Variants in ARIH1 observed in about 807,000 individuals in gnomAD.
ARIH1 encodes E3 ubiquitin-protein ligase ARIH1.
Under a neutral mutation model 85.0 loss-of-function variants are expected in ARIH1, and 8 were observed. That is an observed-to-expected ratio of 0.09 (90% CI 0.06 to 0.17). The LOEUF is 0.17. Among genes scored for constraint, ARIH1 ranks in the 10% least tolerant of loss-of-function variants. The pLI, the probability that ARIH1 is intolerant of heterozygous loss-of-function variation, is 1.00. For missense variants in ARIH1, 311 were observed against 718.1 expected, an observed-to-expected ratio of 0.43 and a Z score of 6.48; for synonymous variants, 238 against 253.6, an observed-to-expected ratio of 0.94 and a Z score of 0.59.
At position 72,600,671 on chromosome 15, in the gene ARIH1, T is replaced by C. The variant is rs2064379459; in HGVS notation, c.*17379T>C. ...GTGTTGGGATTACAGGTGTGAACCA[T>C]AGTATCCAACCTATTATGTTTTTTT... On this transcript the variant is annotated 3_prime_UTR_variant, in exon 14 of 14. Coordinates refer to ENST00000379887, the MANE Select transcript of ARIH1 (RefSeq NM_005744.5). The C allele has an allele frequency of 1.3e-5, 2 of 152,218 alleles. No individual in the cohort carries two copies. Among genetic ancestry groups the C allele is most frequent in the African/African-American group, 2.4e-5 (1 of 41,460 alleles). The allele number at this position is 152,218 out of a possible 1,614,324, so 9.4% of individuals were successfully genotyped here.
At chr15:72,540,479 G>A (rs986676165) in intron 2 of ARIH1, among the ~76,000 whole-genome samples, 10 of 151,818 alleles carry the variant, frequency 6.6e-5, no homozygotes, top group Non-Finnish European at 1.2e-4. Flanking sequence ...TGGAGTCAGG[G>A]GTGAATGGAC....
chr15:72,506,842 T>C (rs2063927904), intron 1 of ARIH1, among the ~76,000 whole-genome samples: 1 of 151,966 alleles, frequency 6.6e-6, no homozygotes. Flanking sequence ...AGTGGTTTTT[T>C]TTTGTTTTTT....
chr15:72,545,848 A>G (rs888248047), intron 3 of ARIH1, among the ~76,000 whole-genome samples: 2 of 152,218 alleles, frequency 1.3e-5, no homozygotes, highest in Admixed American at 6.5e-5. Flanking sequence ...AATAGAATTT[A>G]CTGAACTGAG....
At chr15:72,546,484 G>A (rs568537160) in intron 3 of ARIH1, among the ~76,000 whole-genome samples, 1 of 152,056 alleles carries the variant, frequency 6.6e-6, no homozygotes, top group East Asian at 1.9e-4. Flanking sequence ...ATGTCACTGG[G>A]TTTTTCTTTT....
Position 72,514,212 on chromosome 15 carries a change from C to T in ARIH1, c.376-3855C>T, listed in dbSNP as rs2063964367. 3.3e-5 allele frequency among the ~76,000 whole-genome samples: 5 copies of T among 151,996 alleles called. No homozygotes were observed. In the South Asian group the frequency reaches 1.0e-3, roughly 32 times the overall value. On this transcript the variant is annotated intron_variant, in intron 1 of 13. Coordinates refer to ENST00000379887, the MANE Select transcript of ARIH1 (RefSeq NM_005744.5). ...CTATACTTTTAGTGAATACAGAATT[C>T]TAGCTTGATACCTTTTGATATCCTA...
At chr15:72,578,763 ATTG>A (rs2064282613) in intron 11 of ARIH1, among the ~76,000 whole-genome samples, 2 of 147,344 alleles carry the variant, frequency 1.4e-5, no homozygotes, top group East Asian at 4.0e-4. Flanking sequence ...TCAACTATCT[ATTG>A]TTCAAATATC....
At chr15:72,555,241 T>C (rs1384503341) in intron 3 of ARIH1, 30 bp from the exon 4 acceptor site, 1 of 1,521,310 alleles carries the variant, frequency 6.6e-7, no homozygotes, top group African/African-American at 1.4e-5. Flanking sequence ...ATAATACCTT[T>C]GTTAAGTTCA....
chr15:72,564,655 A>G (rs974605680), intron 7 of ARIH1, among the ~76,000 whole-genome samples: 4 of 152,198 alleles, frequency 2.6e-5, no homozygotes, highest in African/African-American at 7.2e-5. Context: ...TCAGGCTTTT[A>G]TAACAAAAGA....
At chr15:72,556,019 T>C in intron 5 of ARIH1, 112 bp downstream of exon 5, 3 of 886,766 alleles carry the variant, frequency 3.4e-6, no homozygotes, top group Non-Finnish European at 3.5e-6. Context: ...TGAAGAAACT[T>C]TTTAATCTGC....
intron 1 of ARIH1, among the ~76,000 whole-genome samples, chr15:72,500,565 CTCT>C (rs552288523): frequency 9.2e-5 from 14 of 152,242 alleles, no homozygotes; most frequent in Admixed American, 3.3e-4. Context: ...TTCATTCCCT[CTCT>C]TCTTCTTTTG....
chr15:72,538,230 G>T (rs912949633), intron 2 of ARIH1, among the ~76,000 whole-genome samples: 3 of 152,110 alleles, frequency 2.0e-5, no homozygotes, highest in Non-Finnish European at 2.9e-5. Context: ...GCCAGGAGTG[G>T]TGGCACACAT....
chr15:72,529,404 A>AT (rs2064045594), intron 2 of ARIH1, among the ~76,000 whole-genome samples: 1 of 152,042 alleles, frequency 6.6e-6, no homozygotes, highest in Non-Finnish European at 1.5e-5. Context: ...CACCTAGCAA[A>AT]TTTTTTGTAG....
chr15:72,547,014 G>A (rs948416235), intron 3 of ARIH1, among the ~76,000 whole-genome samples: 5 of 151,170 alleles, frequency 3.3e-5, no homozygotes, highest in African/African-American at 9.8e-5. Context: ...TGCAAGCTCC[G>A]CCTCCCAGGT....
intron 1 of ARIH1, among the ~76,000 whole-genome samples, chr15:72,483,819 C>CT (rs1351288982): frequency 7.0e-6 from 1 of 142,226 alleles, no homozygotes; most frequent in Admixed American, 6.9e-5. Flanking sequence ...TTTTTTAACT[C>CT]TAGCTACGTA....
At chr15:72,557,577 C>G (rs1388044766) in intron 5 of ARIH1, among the ~76,000 whole-genome samples, 1 of 152,074 alleles carries the variant, frequency 6.6e-6, no homozygotes, top group Non-Finnish European at 1.5e-5. Context: ...TCAATTTTTG[C>G]TTTTGTTGCA....
Position 72,486,660 on chromosome 15 carries a change from C to T in ARIH1, c.375+11646C>T, listed in dbSNP as rs531721835. Among the ~76,000 whole-genome samples, 10 of 149,490 alleles carry T rather than the reference C, an allele frequency of 6.7e-5. No individual in the cohort carries two copies. The East Asian group carries it at 1.8e-3, about 26-fold the overall frequency. On this transcript the variant is annotated intron_variant, in intron 1 of 13. Transcript: ENST00000379887. ...GCTCTGGCAAATCAGCTTTCCAGAGCCCTACTTTTTTTTTTTTTCATTTTT... is the reference window on the plus strand; with the variant it reads ...GCTCTGGCAAATCAGCTTTCCAGAGTCCTACTTTTTTTTTTTTTCATTTTT...
At chr15:72,561,948 G>C (rs1433009853) in intron 6 of ARIH1, among the ~76,000 whole-genome samples, 1 of 152,136 alleles carries the variant, frequency 6.6e-6, no homozygotes, top group Non-Finnish European at 1.5e-5. Flanking sequence ...ACTCCAGCCT[G>C]GGTGACAGAG....
chr15:72,482,839 C>CTTTT (rs34753101), intron 1 of ARIH1, among the ~76,000 whole-genome samples: 4,022 of 132,142 alleles, frequency 0.03, 110 homozygotes, highest in East Asian at 0.11. Context: ...CTCTCTCTCT[C>CTTTT]TTTTTTTTTT....
intron 2 of ARIH1, among the ~76,000 whole-genome samples, chr15:72,537,704 TG>T (rs1334758924): frequency 6.6e-6 from 1 of 152,152 alleles, no homozygotes; most frequent in African/African-American, 2.4e-5. Flanking sequence ...TTAATGTGGC[TG>T]GGGGGAGTTG....
Sources: allele counts gnomAD v4.1 joint callset (sites outside exome capture counted in the v4.1 genomes callset), GRCh38; gene constraint gnomAD v4.1.1; transcripts MANE v1.5; gene names NCBI Gene and HGNC (gene_info 2026-07-23, HGNC 2026-07-21).